PLEKHG5: variants seen among roughly 807,000 people sequenced by gnomAD.
PLEKHG5 encodes the protein pleckstrin homology domain-containing family G member 5.
A neutral mutation model predicts 103.8 loss-of-function variants in PLEKHG5; 52 were observed. The observed-to-expected ratio is 0.50, with a 90% confidence interval of 0.40 to 0.63. The LOEUF is 0.63. Among genes scored for constraint, PLEKHG5 ranks in the 30% least tolerant of loss-of-function variants. The probability of loss-of-function intolerance (pLI) is 0.00; values close to 1 mark genes in which losing one functional copy is unlikely to be tolerated. For synonymous variants in PLEKHG5, 592 were observed against 575.5 expected (o/e 1.03, Z -0.41); for missense variants, 1,205 against 1,347.6 (o/e 0.89, Z 1.66).
upstream of PLEKHG5, chr1:6,497,297 G>A: frequency 9.6e-7 from 1 of 1,044,558 alleles, no homozygotes; most frequent in Non-Finnish European, 1.4e-6. The surrounding 1 kb of genome is among the most constrained non-coding windows in gnomAD (Gnocchi z 6.1). Flanking sequence ...CCCCGCGTCC[G>A]CCGGGTCCCC....
At chr1:6,510,222 C>T (rs1392983084) in intron 1 of PLEKHG5, among the ~76,000 whole-genome samples, 3 of 152,232 alleles carry the variant, frequency 2.0e-5, no homozygotes, top group African/African-American at 7.2e-5. Context: ...ACTCCCCCTG[C>T]CCTCTGGCTC....
At position 6,491,662 on chromosome 1, in the gene PLEKHG5, G is replaced by A; in HGVS notation, c.-113C>T. 4.1e-6 allele frequency: 4 copies of A among 985,430 alleles called. No individual in the cohort carries two copies. Among genetic ancestry groups the A allele is most frequent in the Non-Finnish European group, 4.8e-6 (4 of 829,998 alleles). The allele number at this position is 985,430 out of a possible 1,614,324, so 61.0% of individuals were successfully genotyped here. ...ATCCTGCCCGTCCCTTCTCCATGGG[G>A]GCCTCAGGTCCACCCTTTCCTCTCC... On this transcript the variant is annotated 5_prime_UTR_variant, in exon 1 of 21. Coordinates refer to ENST00000377728, the MANE Select transcript of PLEKHG5 (RefSeq NM_020631.6). The surrounding 1 kb of genome is among the most constrained non-coding windows in gnomAD (Gnocchi z 4.1).
chr1:6,491,928 T>C (rs1393793615), upstream of PLEKHG5, among the ~76,000 whole-genome samples: 1 of 152,212 alleles, frequency 6.6e-6, no homozygotes, highest in Non-Finnish European at 1.5e-5. This position sits in a 1 kb window ranked among gnomAD's most constrained non-coding sequence, Gnocchi z 4.1. Flanking sequence ...TCCTGTAGTG[T>C]GCTGAACCCC....
chr1:6,485,440 C>T (rs1156252587), intron 1 of PLEKHG5: 5 of 1,274,788 alleles, frequency 3.9e-6, no homozygotes, highest in African/African-American at 3.1e-5. Flanking sequence ...GGTCCTGTCC[C>T]CATGGCGGCC....
In PLEKHG5 at chr1:6,479,759, A is replaced by G. The variant is rs372006768; in HGVS notation, c.-87-2101T>C. Reference sequence around the variant, plus strand: ...CTTAGTAGCTGGGAATACTAGGTGCATGCCACTACGCCCAACTAACTTTTT... The same window carrying G: ...CTTAGTAGCTGGGAATACTAGGTGCGTGCCACTACGCCCAACTAACTTTTT... On this transcript the variant is annotated intron_variant, in intron 1 of 20. Coordinates refer to ENST00000377728, the MANE Select transcript of PLEKHG5 (RefSeq NM_020631.6). Among the ~76,000 whole-genome samples, 4 of 152,212 alleles carry G rather than the reference A, an allele frequency of 2.6e-5. No homozygotes were observed. The South Asian group carries it at 6.2e-4, about 24-fold the overall frequency.
At position 6,491,273 on chromosome 1, in the gene PLEKHG5, TC is replaced by T. The variant is rs1296000686; in HGVS notation, c.-88+363del. 6.6e-6 allele frequency among the ~76,000 whole-genome samples: 1 copy of T among 151,950 alleles called. No individual in the cohort carries two copies. The highest frequency in any genetic ancestry group is 1.5e-5 in the Non-Finnish European group (1 of 67,990). On this transcript the variant is annotated intron_variant, in intron 1 of 20. Transcript: ENST00000377728. The surrounding 1 kb of genome is among the most constrained non-coding windows in gnomAD (Gnocchi z 4.1). ...GTGGAGTTCAGGTCCACCAACCTGT[TC>T]CGCACTTTCAAGCTTTTTATACAGC... is the stretch of plus-strand genomic sequence containing the variant.
At position 6,490,818 on chromosome 1, in the gene PLEKHG5, G is replaced by T. The variant is rs1382483252; in HGVS notation, c.-88+819C>A. Among the ~76,000 whole-genome samples, 1 of 152,160 alleles carries T rather than the reference G, an allele frequency of 6.6e-6. No individual in the cohort carries two copies. The highest frequency in any genetic ancestry group is 6.5e-5 in the Admixed American group (1 of 15,278). Reference sequence around the variant, plus strand: ...GTCCCCGAGGGGCCAGCCCTTTGCAGATCTCCAAAAAGTTCAAAGTCCCTG... The same window carrying T: ...GTCCCCGAGGGGCCAGCCCTTTGCATATCTCCAAAAAGTTCAAAGTCCCTG... On this transcript the variant is annotated intron_variant, in intron 1 of 20. Transcript: ENST00000377728. The surrounding 1 kb of genome is among the most constrained non-coding windows in gnomAD (Gnocchi z 8.0).
rs1019063775 is a variant in PLEKHG5 at position 6,486,016 on chromosome 1, G to A, written c.-88+5621C>T. 5.0e-5 allele frequency: 27 copies of A among 544,716 alleles called. No homozygotes were observed. Among genetic ancestry groups the A allele is most frequent in the Non-Finnish European group, 6.3e-5 (27 of 429,974 alleles). The allele number at this position is 544,716 out of a possible 1,614,324, so 33.7% of individuals were successfully genotyped here. ...TGGAGACTGTGGAGCCCCTCCCCTG[G>A]GTGACTCGATCCCCGCCCAGCCCTG... On this transcript the variant is annotated intron_variant, in intron 1 of 20. Transcript: ENST00000377728. The surrounding 1 kb of genome is among the most constrained non-coding windows in gnomAD (Gnocchi z 5.3).
upstream of PLEKHG5, chr1:6,496,392 C>T (rs978957003): frequency 4.0e-5 from 36 of 905,254 alleles, no homozygotes; most frequent in African/African-American, 6.8e-5. Flanking sequence ...CAGCCGCGCC[C>T]GTGCCAGGGC....
chr1:6,468,584 G>A lies in PLEKHG5; in HGVS notation c.2252C>T (p.Ala751Val), dbSNP rs1191857286. The change falls in exon 20 of 21, where the codon GCC becomes GTC. Residue 751 changes from alanine to valine, a missense_variant and splice_region_variant. Coordinates refer to ENST00000377728, the MANE Select transcript of PLEKHG5 (RefSeq NM_020631.6). ...SSGSPDSQHCASDGSTETLAM... is the reference protein window; with the variant it reads ...SSGSPDSQHCVSDGSTETLAM... ...CAGGGTCTCCGTGGAGCCATCTGAGGCACTGTGGGGCCAGGAGCAGAGTCA... is the reference window on the plus strand; with the variant it reads ...CAGGGTCTCCGTGGAGCCATCTGAGACACTGTGGGGCCAGGAGCAGAGTCA... The A allele has an allele frequency of 6.8e-6, 11 of 1,612,804 alleles. No homozygotes were observed. Among genetic ancestry groups the A allele is most frequent in the South Asian group, 1.1e-5 (1 of 91,092 alleles).
In PLEKHG5 at chr1:6,470,364, G is replaced by A. The variant is rs373133607; in HGVS notation, c.1681-9C>T. The A allele has an allele frequency of 7.4e-6, 12 of 1,613,816 alleles. No individual in the cohort carries two copies. Among genetic ancestry groups the A allele is most frequent in the African/African-American group, 4.0e-5 (3 of 74,916 alleles). ...AGAAATTCCTTCAGGAGCTGGGGAC[G>A]GATGGCGTGAACGTAGGGGAGGCCA... On this transcript the variant is annotated splice_polypyrimidine_tract_variant and intron_variant, in intron 15 of 20. Transcript: ENST00000377728.
chr1:6,480,357 C>T lies in PLEKHG5; in HGVS notation c.-87-2699G>A, dbSNP rs150498092. 7.1e-3 allele frequency among the ~76,000 whole-genome samples: 1,072 copies of T among 151,888 alleles called. 12 individuals carry two copies. Among genetic ancestry groups the T allele is most frequent in the African/African-American group, 0.024 (1,012 of 41,414 alleles). ...CAGCCTGGGCAACACGGTGAAACCC[C>T]GTCTCTACTAAAATACAAAAAAATT... On this transcript the variant is annotated intron_variant, in intron 1 of 20. Transcript: ENST00000377728.
Position 6,518,559 on chromosome 1 carries a change from C to CAA in PLEKHG5, c.-165+884_-165+885dup, listed in dbSNP as rs772093142. Among the ~76,000 whole-genome samples, 5 of 68,084 alleles carry CAA rather than the reference C, an allele frequency of 7.3e-5. 1 individual carries two copies. The highest frequency in any genetic ancestry group is 1.6e-4 in the Admixed American group (1 of 6,200). 44.7% of individuals were successfully genotyped at this position (68,084 alleles called of 152,430 possible). A position where few individuals can be genotyped will look rare whatever the true frequency, so the allele number is the denominator to read the frequency against. On this transcript the variant is annotated intron_variant, in intron 1 of 21. Transcript: ENST00000377740. ...GGGCAACAAAAGTGAAACTCCATCC[C>CAA]AAAAAAAAAAAAAAAAGAAAAAGAA...
At chr1:6,481,422 G>A (rs930990797) in intron 1 of PLEKHG5, among the ~76,000 whole-genome samples, 13 of 150,902 alleles carry the variant, frequency 8.6e-5, no homozygotes, top group Middle Eastern at 3.2e-3. Flanking sequence ...TCCCAGCTAC[G>A]CGGGAGGCTG....
chr1:6,473,229 C>T, intron 8 of PLEKHG5, 22 bp downstream of exon 8: 1 of 1,612,724 alleles, frequency 6.2e-7, no homozygotes, highest in Non-Finnish European at 8.5e-7. Context: ...CTGCCTGACC[C>T]TGGGCAGATG....
Position 6,468,402 on chromosome 1 carries a change from AGCG to A in PLEKHG5, c.2431_2433del (p.Arg811del). The A allele has an allele frequency of 6.2e-7, 1 of 1,611,472 alleles. No individual in the cohort carries two copies. Among genetic ancestry groups the A allele is most frequent in the Non-Finnish European group, 8.5e-7 (1 of 1,179,210 alleles). ...CCGTAGGCAGAGTCCATGGAGCAGG[AGCG>A]GCCGTCCACCGGACCCAGGGGCAGC... On this transcript the variant is annotated inframe_deletion, in exon 20 of 21. Transcript: ENST00000377728.
chr1:6,516,918 A>ACC (rs1553180758), intron 1 of PLEKHG5, among the ~76,000 whole-genome samples: 2,397 of 51,960 alleles, frequency 0.046, 100 homozygotes, highest in African/African-American at 0.079. Context: ...ACACACACAC[A>ACC]CACACACATG....
intron 1 of PLEKHG5, chr1:6,485,568 A>G (rs1569939683): frequency 1.1e-6 from 1 of 934,532 alleles, no homozygotes; most frequent in Non-Finnish European, 1.4e-6. Flanking sequence ...CCGGGCCCGG[A>G]ACAGCCCCCA....
At position 6,467,461 on chromosome 1, in the gene PLEKHG5, A is replaced by C; in HGVS notation, c.*102T>G. The C allele has an allele frequency of 8.8e-7, 1 of 1,135,282 alleles. No individual in the cohort carries two copies. Among genetic ancestry groups the C allele is most frequent in the Non-Finnish European group, 1.3e-6 (1 of 744,432 alleles). 70.3% of individuals were successfully genotyped at this position (1,135,282 alleles called of 1,614,324 possible). On this transcript the variant is annotated 3_prime_UTR_variant, in exon 21 of 21. Transcript: ENST00000377728. ...AGGGATCCTGCCCAGCATCCGGCTC[A>C]TGCATACAGGAGGCAGTAGCTGAAG...
Sources: allele counts gnomAD v4.1 joint callset (sites outside exome capture counted in the v4.1 genomes callset), GRCh38; gene constraint gnomAD v4.1.1; non-coding constraint Gnocchi (gnomAD v3.1); transcripts MANE v1.5; gene names NCBI Gene and HGNC (gene_info 2026-07-23, HGNC 2026-07-21).